The following WDR27 variants were observed in gnomAD, a reference collection of about 807,000 sequenced individuals.
The protein encoded by WDR27 is WD repeat-containing protein 27.
WDR27 carries 100 observed loss-of-function variants against 114.4 expected under a neutral mutation model. That is an observed-to-expected ratio of 0.87 (90% CI 0.74 to 1.03). WDR27 has a LOEUF of 1.03. WDR27 is among the 50% of genes least tolerant of loss of function. The probability of loss-of-function intolerance (pLI) is 0.00; values close to 1 mark genes in which losing one functional copy is unlikely to be tolerated. For synonymous variants in WDR27, 449 were observed against 423.1 expected, an observed-to-expected ratio of 1.06 and a Z score of -0.75; for missense variants, 1,129 against 1,092.9, an observed-to-expected ratio of 1.03 and a Z score of -0.47.
the WDR27 span, among the ~76,000 whole-genome samples, chr6:169,440,776 T>A: frequency 6.6e-6 from 1 of 152,186 alleles, no homozygotes; most frequent in African/African-American, 2.4e-5. Context: ...AGACAACTTT[T>A]TGTTCTAATT....
rs1820158044 is a variant in WDR27, at chr6:169,644,930, A to G, written c.1658-1144T>C. On this transcript the variant is annotated intron_variant, in intron 16 of 25. Transcript: ENST00000448612. ...AGGCTGAGGCAGGAGAATGGCGTGA[A>G]CCCGGGAGGCGGAGCTTGCAGTGAG... is the stretch of plus-strand genomic sequence containing the variant. Among the ~76,000 whole-genome samples the G allele has an allele frequency of 2.1e-5, 2 of 93,098 alleles. 1 individual carries two copies. Among genetic ancestry groups the G allele is most frequent in the African/African-American group, 1.1e-4 (2 of 18,664 alleles). 61.1% of individuals were successfully genotyped at this position (93,098 alleles called of 152,430 possible).
chr6:169,662,165 CA>C, intron 9 of WDR27, 138 bp downstream of exon 9: 3 of 865,356 alleles, frequency 3.5e-6, no homozygotes, highest in Admixed American at 2.4e-5. Flanking sequence ...CATGCAATCC[CA>C]AGAATGAAGT....
chr6:169,554,577 T>C (rs1025647566), intron 25 of WDR27, among the ~76,000 whole-genome samples: 6 of 152,236 alleles, frequency 3.9e-5, no homozygotes, highest in Non-Finnish European at 7.3e-5. Flanking sequence ...TAAGCATTTC[T>C]GCATTCCAGA....
chr6:169,564,360 A>G (rs9371140), intron 25 of WDR27, among the ~76,000 whole-genome samples: 90,219 of 152,142 alleles, frequency 0.59, 29,383 homozygotes, highest in Non-Finnish European at 0.72. Flanking sequence ...CCCAGCTCAC[A>G]GACTCCAATG....
At chr6:169,587,664 A>G (rs969611816) in intron 23 of WDR27, among the ~76,000 whole-genome samples, 1 of 152,378 alleles carries the variant, frequency 6.6e-6, no homozygotes, top group East Asian at 1.9e-4. Flanking sequence ...GCTTTGTCAG[A>G]TAATGACTTC....
intron 24 of WDR27, among the ~76,000 whole-genome samples, chr6:169,578,627 T>C (rs1802855980): frequency 6.6e-6 from 1 of 152,164 alleles, no homozygotes; most frequent in African/African-American, 2.4e-5. Context: ...TGCATATAAA[T>C]TGATCTGTCT....
the WDR27 span, among the ~76,000 whole-genome samples, chr6:169,430,315 A>G: frequency 6.6e-6 from 1 of 152,200 alleles, no homozygotes; most frequent in Admixed American, 6.5e-5. Flanking sequence ...CCCACAGTGT[A>G]GTAGGAGCTT....
At chr6:169,492,872 C>T (rs572032767) in intron 25 of WDR27, among the ~76,000 whole-genome samples, 1 of 152,066 alleles carries the variant, frequency 6.6e-6, no homozygotes, top group South Asian at 2.1e-4. Flanking sequence ...TAGGAGAAAA[C>T]TGATATCCAG....
At chr6:169,468,952 T>C (rs1785967564) in intron 25 of WDR27, among the ~76,000 whole-genome samples, 1 of 152,162 alleles carries the variant, frequency 6.6e-6, no homozygotes, top group African/African-American at 2.4e-5. Context: ...GAAACATCTC[T>C]CTTTCTTCTT....
rs143631081 is a variant in WDR27, at chr6:169,467,578, A to G, written c.2646-9944T>C. 1.3e-3 allele frequency among the ~76,000 whole-genome samples: 204 copies of G among 152,330 alleles called. 3 individuals carry two copies. In the East Asian group the frequency reaches 0.032, roughly 24 times the overall value. ...CCTCTGAAGCAATGGCCTGAGCTGTATGTTGGCCCCTTTTAGCCACGGCTG... is the reference window on the plus strand; with the variant it reads ...CCTCTGAAGCAATGGCCTGAGCTGTGTGTTGGCCCCTTTTAGCCACGGCTG... On this transcript the variant is annotated intron_variant, in intron 25 of 25. Coordinates refer to ENST00000448612, the MANE Select transcript of WDR27 (RefSeq NM_182552.5).
intron 25 of WDR27, among the ~76,000 whole-genome samples, chr6:169,465,439 G>T (rs576176800): frequency 6.6e-6 from 1 of 152,218 alleles, no homozygotes; most frequent in East Asian, 1.9e-4. Context: ...TTTGTTCATT[G>T]TTGGTGGGAA....
At chr6:169,642,848 G>A (rs1486957804) in intron 17 of WDR27, among the ~76,000 whole-genome samples, 1 of 152,228 alleles carries the variant, frequency 6.6e-6, no homozygotes, top group African/African-American at 2.4e-5. Flanking sequence ...GGGTGGTCAC[G>A]CGACAGGCTG....
intron 14 of WDR27, among the ~76,000 whole-genome samples, chr6:169,650,785 T>C (rs1199036024): frequency 1.4e-5 from 2 of 145,562 alleles, no homozygotes; most frequent in Admixed American, 6.8e-5. Flanking sequence ...ATCTCTCATC[T>C]CTCCATCCCT....
rs1413207678 is a variant in WDR27, at chr6:169,457,561, G to GGACCCAGCTCACAGGTCAGTGGT, written c.*8_*30dup. On this transcript the variant is annotated 3_prime_UTR_variant, in exon 26 of 26. Coordinates refer to ENST00000448612, the MANE Select transcript of WDR27 (RefSeq NM_182552.5). ...TTAAGTTGTTCCTCACAGCATTCCT[G>GGACCCAGCTCACAGGTCAGTGGT]GACCCAGCTCACAGGTCAGTGGTTA... The GGACCCAGCTCACAGGTCAGTGGT allele has an allele frequency of 1.9e-6, 3 of 1,543,376 alleles. No homozygotes were observed. The highest frequency in any genetic ancestry group is 4.9e-5 in the East Asian group (2 of 40,832).
intron 25 of WDR27, among the ~76,000 whole-genome samples, chr6:169,513,153 T>C (rs955034814): frequency 5.9e-5 from 9 of 152,136 alleles, no homozygotes; most frequent in South Asian, 2.1e-4. Flanking sequence ...CCTGTGGTGC[T>C]TGGTTGGGGG....
chr6:169,521,699 A>G (rs888371612), intron 25 of WDR27, among the ~76,000 whole-genome samples: 15 of 152,096 alleles, frequency 9.9e-5, no homozygotes, highest in African/African-American at 3.6e-4. Context: ...CTTTGTTTCT[A>G]TTTTTTCTTT....
At chr6:169,506,587 G>A (rs1212668385) in intron 25 of WDR27, among the ~76,000 whole-genome samples, 2 of 152,220 alleles carry the variant, frequency 1.3e-5, no homozygotes, top group Non-Finnish European at 2.9e-5. Flanking sequence ...GAAAGCCATA[G>A]ACGGCAACAA....
intron 23 of WDR27, among the ~76,000 whole-genome samples, chr6:169,598,236 A>G (rs571953648): frequency 1.3e-5 from 2 of 152,228 alleles, no homozygotes; most frequent in Non-Finnish European, 2.9e-5. Flanking sequence ...ATCCATTATC[A>G]GTGTTGTCTT....
chr6:169,667,304 A>T (rs1828124192), intron 5 of WDR27, 117 bp from the exon 6 acceptor site: 1 of 1,255,746 alleles, frequency 8.0e-7, no homozygotes. Context: ...TATCTAAAAC[A>T]GAAAACAATA....
Sources: allele counts gnomAD v4.1 joint callset (sites outside exome capture counted in the v4.1 genomes callset), GRCh38; gene constraint gnomAD v4.1.1; transcripts MANE v1.5; gene names NCBI Gene and HGNC (gene_info 2026-07-23, HGNC 2026-07-21).